The following SH2D4B variants were observed in gnomAD, a reference collection of about 807,000 sequenced individuals.
SH2D4B encodes SH2 domain containing 4B.
Under a neutral mutation model 61.5 loss-of-function variants are expected in SH2D4B, and 45 were observed. That is an observed-to-expected ratio of 0.73 (90% CI 0.58 to 0.94). The LOEUF (loss-of-function observed/expected upper bound fraction) is 0.94. SH2D4B is among the 40% of genes least tolerant of loss of function. SH2D4B has a pLI of 0.00. For synonymous variants in SH2D4B, 224 were observed against 220.4 expected, an observed-to-expected ratio of 1.02 and a Z score of -0.14; for missense variants, 572 against 574.2, an observed-to-expected ratio of 1.00 and a Z score of 0.04.
intron 4 of SH2D4B, among the ~76,000 whole-genome samples, chr10:80,596,984 AATAAC>A (rs1274191526): frequency 6.6e-6 from 1 of 152,204 alleles, no homozygotes. Flanking sequence ...AACAATAAAA[AATAAC>A]ATAACAATAA....
intron 5 of SH2D4B, among the ~76,000 whole-genome samples, chr10:80,604,397 A>G: frequency 6.6e-6 from 1 of 152,088 alleles, no homozygotes; most frequent in Non-Finnish European, 1.5e-5. Context: ...TCTTCTTTCT[A>G]CCTGCCCCCA....
At position 80,540,090 on chromosome 10, in the gene SH2D4B, T is replaced by G. The variant is rs555768026; in HGVS notation, c.184+1575T>G. ...TATTTATACAGAGATTTGTCACACA[T>G]AGACATCTACATTTTCATGTATAAA... is the stretch of plus-strand genomic sequence containing the variant. On this transcript the variant is annotated intron_variant, in intron 1 of 7. Transcript: ENST00000646907. Among the ~76,000 whole-genome samples the G allele has an allele frequency of 2.0e-5, 3 of 152,350 alleles. No homozygotes were observed. In the South Asian group the frequency reaches 6.2e-4, roughly 32 times the overall value.
chr10:80,596,826 G>A (rs1474196523), intron 4 of SH2D4B, among the ~76,000 whole-genome samples: 1 of 152,168 alleles, frequency 6.6e-6, no homozygotes, highest in South Asian at 2.1e-4. Flanking sequence ...ACGTTTCCCT[G>A]CAATGCTTCC....
rs1317538747 is a variant in SH2D4B, at chr10:80,588,557, C to CAG, written c.496-69_496-68dup. 6 of 1,578,956 alleles carry CAG rather than the reference C, an allele frequency of 3.8e-6. No homozygotes were observed. In the Admixed American group the frequency reaches 6.8e-5, roughly 18 times the overall value. On this transcript the variant is annotated intron_variant, in intron 3 of 7. Coordinates refer to ENST00000646907, the MANE Select transcript of SH2D4B (RefSeq NM_001388272.1). ...CTCAGCCCCATCCACTGCAGAATCC[C>CAG]AGAGATATTTCTTTCTCGTTTCTCT...
rs964454091 is a variant in SH2D4B at position 80,538,743 on chromosome 10, T to C, written c.184+228T>C. Among the ~76,000 whole-genome samples the C allele has an allele frequency of 6.6e-6, 1 of 152,162 alleles. No homozygotes were observed. Among genetic ancestry groups the C allele is most frequent in the Non-Finnish European group, 1.5e-5 (1 of 68,026 alleles). ...GCAGAGGCTGTCCAGCGGCCCTTAT[T>C]GGAGTCGGGGAGTTGGGACTTGCTT... is the stretch of plus-strand genomic sequence containing the variant. On this transcript the variant is annotated intron_variant, in intron 1 of 7. Coordinates refer to ENST00000646907, the MANE Select transcript of SH2D4B (RefSeq NM_001388272.1). The surrounding 1 kb of genome is among the most constrained non-coding windows in gnomAD (Gnocchi z 4.8).
intron 1 of SH2D4B, among the ~76,000 whole-genome samples, chr10:80,556,314 A>AC (rs1318574498): frequency 2.0e-5 from 3 of 152,240 alleles, no homozygotes; most frequent in African/African-American, 7.2e-5. Flanking sequence ...CACAAATACC[A>AC]CATTGGCTGT....
intron 4 of SH2D4B, among the ~76,000 whole-genome samples, chr10:80,589,557 G>T (rs1045410174): frequency 6.6e-6 from 1 of 152,148 alleles, no homozygotes; most frequent in Non-Finnish European, 1.5e-5. Context: ...CCTTTACTAA[G>T]TTGCCAATAA....
chr10:80,569,526 G>A (rs891331736), intron 1 of SH2D4B, among the ~76,000 whole-genome samples: 1 of 138,222 alleles, frequency 7.2e-6, no homozygotes, highest in African/African-American at 2.6e-5. Context: ...TTTCTTTTAT[G>A]TTAAGGGAAG....
intron 1 of SH2D4B, among the ~76,000 whole-genome samples, chr10:80,543,260 G>A (rs1425423526): frequency 2.0e-5 from 3 of 152,174 alleles, no homozygotes; most frequent in Non-Finnish European, 4.4e-5. Context: ...TTGCAGGGAG[G>A]TGTGGAGGGA....
chr10:80,589,357 G>A (rs907834382), intron 4 of SH2D4B, among the ~76,000 whole-genome samples: 1 of 152,150 alleles, frequency 6.6e-6, no homozygotes, highest in Non-Finnish European at 1.5e-5. Flanking sequence ...AATATAGTGA[G>A]ACCCTGTCTC....
chr10:80,553,184 T>A (rs1003403354), intron 1 of SH2D4B, among the ~76,000 whole-genome samples: 4 of 152,160 alleles, frequency 2.6e-5, no homozygotes, highest in Non-Finnish European at 5.9e-5. Flanking sequence ...TCCCAAAGTG[T>A]TGGGATTACA....
At chr10:80,611,225 G>A (rs1226304089) in intron 6 of SH2D4B, among the ~76,000 whole-genome samples, 3 of 150,538 alleles carry the variant, frequency 2.0e-5, no homozygotes, top group African/African-American at 7.3e-5. Flanking sequence ...TCATGACAGA[G>A]GGAAATGAGA....
rs1564533967 is a variant in SH2D4B at position 80,644,647 on chromosome 10, G to A, written c.*562G>A. ...TATCACCCTCATTGATATTATCATTGGAATTATCTAAGGTGAGCCCCAGTT... is the reference window on the plus strand; with the variant it reads ...TATCACCCTCATTGATATTATCATTAGAATTATCTAAGGTGAGCCCCAGTT... On this transcript the variant is annotated 3_prime_UTR_variant, in exon 8 of 8. Coordinates refer to ENST00000646907, the MANE Select transcript of SH2D4B (RefSeq NM_001388272.1). 6.6e-6 allele frequency: 1 copy of A among 152,126 alleles called. No homozygotes were observed. Among genetic ancestry groups the A allele is most frequent in the Non-Finnish European group, 1.5e-5 (1 of 68,040 alleles). 9.4% of individuals were successfully genotyped at this position (152,126 alleles called of 1,614,324 possible).
At chr10:80,622,625 G>A (rs1842727791) in intron 6 of SH2D4B, among the ~76,000 whole-genome samples, 1 of 152,178 alleles carries the variant, frequency 6.6e-6, no homozygotes, top group Admixed American at 6.5e-5. Context: ...AGGTGGCCCT[G>A]GAGGGTCTCA....
Position 80,603,605 on chromosome 10 carries a change from G to C in SH2D4B, c.670G>C (p.Glu224Gln), listed in dbSNP as rs753265228. The change falls in exon 5 of 8, where the codon GAG becomes CAG. Residue 224 changes from glutamate to glutamine, a missense_variant. Transcript: ENST00000646907. The part of the protein sequence containing the change: ...QLRRSKAADE[E>Q]RSRRAQRARD... ...GCGCCGGTCCAAGGCGGCTGATGAG[G>C]AGAGGAGCCGCCGAGCCCAGCGCGC... 1.9e-6 allele frequency: 3 copies of C among 1,570,708 alleles called. No individual in the cohort carries two copies. The highest frequency in any genetic ancestry group is 2.6e-6 in the Non-Finnish European group (3 of 1,158,268).
At chr10:80,606,967 A>G (rs1842526602) in intron 5 of SH2D4B, among the ~76,000 whole-genome samples, 1 of 152,226 alleles carries the variant, frequency 6.6e-6, no homozygotes, top group Non-Finnish European at 1.5e-5. Context: ...CTGAAAATAA[A>G]AGTGACTCCT....
intron 6 of SH2D4B, among the ~76,000 whole-genome samples, chr10:80,623,575 A>T (rs921727377): frequency 6.6e-6 from 1 of 152,194 alleles, no homozygotes; most frequent in Non-Finnish European, 1.5e-5. Context: ...TTATAAACCT[A>T]GTCTATGGAC....
intron 4 of SH2D4B, among the ~76,000 whole-genome samples, chr10:80,600,034 T>C (rs951444578): frequency 3.9e-5 from 6 of 152,192 alleles, no homozygotes; most frequent in Non-Finnish European, 7.3e-5. Context: ...TAACAGATAA[T>C]ATTTAATAAA....
intron 5 of SH2D4B, among the ~76,000 whole-genome samples, 159 bp downstream of exon 5, chr10:80,603,954 A>G (rs568406047): frequency 2.6e-5 from 4 of 152,298 alleles, no homozygotes; most frequent in South Asian, 4.1e-4. Flanking sequence ...TAGGAGAGGG[A>G]GGAGAGATGT....
Sources: gnomAD v4.1 joint callset for allele counts (sites outside exome capture counted in the v4.1 genomes callset) on GRCh38, gnomAD v4.1.1 for gene constraint, Gnocchi (gnomAD v3.1) non-coding constraint, MANE v1.5 for transcripts, NCBI Gene and HGNC (gene_info 2026-07-23, HGNC 2026-07-21) for gene names.